Variants in SYT2 observed in about 807,000 individuals in gnomAD.
The protein encoded by SYT2 is synaptotagmin 2, also known as synaptotagmin-2.
SYT2 carries 15 observed loss-of-function variants against 39.9 expected under a neutral mutation model. The observed-to-expected ratio is 0.38, with a 90% confidence interval of 0.25 to 0.58. The LOEUF (loss-of-function observed/expected upper bound fraction) is 0.58. Among genes scored for constraint, SYT2 ranks in the 20% least tolerant of loss-of-function variants. The pLI is 0.70. For synonymous variants in SYT2, 181 were observed against 204.5 expected (o/e 0.89, Z 0.98); for missense variants, 389 against 530.3 (o/e 0.73, Z 2.62).
intron 1 of SYT2, among the ~76,000 whole-genome samples, chr1:202,652,876 A>G (rs769162992): frequency 2.0e-5 from 3 of 152,120 alleles, no homozygotes; most frequent in Non-Finnish European, 1.5e-5. Context: ...TTCATCACCA[A>G]TTCACCTAAG....
At chr1:202,634,286 G>A (rs1287532863) in intron 1 of SYT2, among the ~76,000 whole-genome samples, 2 of 152,220 alleles carry the variant, frequency 1.3e-5, no homozygotes, top group African/African-American at 2.4e-5. Flanking sequence ...GGGAGGCCGA[G>A]GCGGGTGGAT....
chr1:202,598,679 A>G (rs1690386678), intron 8 of SYT2, among the ~76,000 whole-genome samples: 1 of 152,242 alleles, frequency 6.6e-6, no homozygotes, highest in Non-Finnish European at 1.5e-5. Context: ...GATCCCACTC[A>G]TACCTGGAAA....
chr1:202,705,877 G>T (rs993195292), intron 1 of SYT2, among the ~76,000 whole-genome samples: 1 of 152,082 alleles, frequency 6.6e-6, no homozygotes, highest in Non-Finnish European at 1.5e-5. Flanking sequence ...ATTTTTTGTA[G>T]AGACAGGGTC....
intron 1 of SYT2, among the ~76,000 whole-genome samples, chr1:202,692,920 T>G (rs866480284): frequency 2.0e-4 from 30 of 152,008 alleles, no homozygotes; most frequent in African/African-American, 6.8e-4. Context: ...AAAAATATTA[T>G]TGAAAAAGAA....
chr1:202,688,650 G>C (rs1653735396), intron 1 of SYT2, among the ~76,000 whole-genome samples: 1 of 152,236 alleles, frequency 6.6e-6, no homozygotes, highest in Admixed American at 6.5e-5. Flanking sequence ...CTTGAAGAGA[G>C]AGATCTGCAG....
intron 1 of SYT2, among the ~76,000 whole-genome samples, chr1:202,613,289 C>T (rs1391528095): frequency 6.6e-6 from 1 of 151,970 alleles, no homozygotes. Flanking sequence ...CCATGTTGGC[C>T]AGGCTGGTCT....
chr1:202,674,798 C>T (rs146568383), intron 1 of SYT2, among the ~76,000 whole-genome samples: 8 of 152,260 alleles, frequency 5.3e-5, no homozygotes, highest in Non-Finnish European at 1.2e-4. Flanking sequence ...TCACACACTG[C>T]TCTGGTCACA....
chr1:202,710,006 C>G (rs1436002928), intron 1 of SYT2, among the ~76,000 whole-genome samples: 2 of 152,022 alleles, frequency 1.3e-5, no homozygotes, highest in African/African-American at 4.8e-5. Context: ...GCCCCCAGCC[C>G]AGCCCCAGTC....
intron 1 of SYT2, among the ~76,000 whole-genome samples, chr1:202,694,281 G>A (rs975535058): frequency 5.9e-5 from 9 of 152,194 alleles, no homozygotes; most frequent in Non-Finnish European, 8.8e-5. Flanking sequence ...TCTATCCTGA[G>A]CCCCAGACTG....
intron 1 of SYT2, among the ~76,000 whole-genome samples, chr1:202,709,070 C>T (rs747535168): frequency 6.8e-6 from 1 of 148,038 alleles, no homozygotes. Flanking sequence ...GGTCAGACCC[C>T]AGTTCACCTT....
At position 202,591,542 on chromosome 1, in the gene SYT2, C is replaced by T. The variant is rs571932940; in HGVS notation, c.*5215G>A. The T allele has an allele frequency of 2.6e-3, 395 of 152,638 alleles. 3 individuals carry two copies. The highest frequency in any genetic ancestry group is 4.4e-3 in the Non-Finnish European group (302 of 68,316). 9.5% of individuals were successfully genotyped at this position (152,638 alleles called of 1,614,324 possible). ...TGAAGGTCAGGGGACTTAGTCCACA[C>T]CTGCTCTGCCTGAGCCTCTCTCACA... On this transcript the variant is annotated 3_prime_UTR_variant, in exon 9 of 9. Coordinates refer to ENST00000367268, the MANE Select transcript of SYT2 (RefSeq NM_177402.5).
At chr1:202,654,788 A>G (rs1442818466) in intron 1 of SYT2, among the ~76,000 whole-genome samples, 1 of 152,194 alleles carries the variant, frequency 6.6e-6, no homozygotes, top group Non-Finnish European at 1.5e-5. Flanking sequence ...TGAGGCTTGA[A>G]GGCTGGGCCA....
chr1:202,647,201 A>T (rs569920144), intron 1 of SYT2, among the ~76,000 whole-genome samples: 1 of 152,274 alleles, frequency 6.6e-6, no homozygotes, highest in South Asian at 2.1e-4. Context: ...TTCCAATGAG[A>T]TGGCAACTCC....
chr1:202,685,216 T>C (rs551494823), intron 1 of SYT2, among the ~76,000 whole-genome samples: 1 of 152,294 alleles, frequency 6.6e-6, no homozygotes, highest in Non-Finnish European at 1.5e-5. Flanking sequence ...TGGCTGGTAT[T>C]CATCATTCTC....
intron 1 of SYT2, among the ~76,000 whole-genome samples, chr1:202,621,834 G>GTGCCCCCAAATGAGAC (rs1372652881): frequency 6.6e-6 from 1 of 152,200 alleles, no homozygotes; most frequent in East Asian, 1.9e-4. Context: ...TTCCCTTGGT[G>GTGCCCCCAAATGAGAC]TGCCCCCAAA....
At chr1:202,618,378 G>A (rs1691107484) in intron 1 of SYT2, among the ~76,000 whole-genome samples, 2 of 145,102 alleles carry the variant, frequency 1.4e-5, no homozygotes. Context: ...CATAGATTGG[G>A]AAGGAACCAA....
chr1:202,684,544 ACTT>A (rs1277893418), intron 1 of SYT2, among the ~76,000 whole-genome samples: 1 of 152,086 alleles, frequency 6.6e-6, no homozygotes, highest in Non-Finnish European at 1.5e-5. Flanking sequence ...TCATCAGTGA[ACTT>A]TAAGTTGTTC....
chr1:202,673,328 G>GA (rs1224885200), intron 1 of SYT2, among the ~76,000 whole-genome samples: 1 of 152,174 alleles, frequency 6.6e-6, no homozygotes, highest in Non-Finnish European at 1.5e-5. Flanking sequence ...AAAGGTACGT[G>GA]AAAATGGACC....
At chr1:202,608,458 G>C (rs1170901980) in intron 1 of SYT2, among the ~76,000 whole-genome samples, 1 of 151,764 alleles carries the variant, frequency 6.6e-6, no homozygotes, top group East Asian at 1.9e-4. Context: ...TTAATTTTTT[G>C]TAGATATGGG....
Sources: allele counts gnomAD v4.1 joint callset (sites outside exome capture counted in the v4.1 genomes callset), GRCh38; gene constraint gnomAD v4.1.1; transcripts MANE v1.5; gene names NCBI Gene and HGNC (gene_info 2026-07-23, HGNC 2026-07-21).